Variants in APELA observed in about 807,000 individuals in gnomAD.
APELA encodes the protein apelin receptor early endogenous ligand, also known as protein Elabela.
At chr4:164,882,566 T>C (rs1039655322) in intron 2 of APELA, among the ~76,000 whole-genome samples, 4 of 151,896 alleles carry the variant, frequency 2.6e-5, no homozygotes, top group African/African-American at 9.7e-5. Context: ...TTGGAAAAAG[T>C]GTCTTTTAAT....
chr4:164,890,419 A>G (rs577139008), intron 2 of APELA, among the ~76,000 whole-genome samples: 6 of 152,318 alleles, frequency 3.9e-5, no homozygotes, highest in Admixed American at 2.0e-4. Flanking sequence ...CCAGCTGTTC[A>G]GTCCTGGACA....
chr4:164,883,118 T>G (rs963217375), intron 2 of APELA, among the ~76,000 whole-genome samples: 1 of 152,168 alleles, frequency 6.6e-6, no homozygotes, highest in African/African-American at 2.4e-5. Flanking sequence ...TTCCCAACTC[T>G]TCCTGCAATT....
At chr4:164,891,135 G>A (rs1730874735) in intron 2 of APELA, among the ~76,000 whole-genome samples, 1 of 152,074 alleles carries the variant, frequency 6.6e-6, no homozygotes, top group Admixed American at 6.6e-5. Context: ...TGAATACAGG[G>A]CCCTTATCTG....
intron 2 of APELA, among the ~76,000 whole-genome samples, chr4:164,888,999 C>T (rs1247116955): frequency 6.7e-6 from 1 of 149,840 alleles, no homozygotes; most frequent in Non-Finnish European, 1.5e-5. Context: ...GTGTGTGTAC[C>T]ATATATAACT....
At chr4:164,887,830 T>C (rs1730802611) in intron 2 of APELA, among the ~76,000 whole-genome samples, 1 of 152,218 alleles carries the variant, frequency 6.6e-6, no homozygotes, top group Non-Finnish European at 1.5e-5. Context: ...CAGGCTGGTC[T>C]CGAACTCCTG....
intron 2 of APELA, among the ~76,000 whole-genome samples, chr4:164,881,851 A>G (rs1222221135): frequency 6.8e-6 from 1 of 147,764 alleles, no homozygotes; most frequent in Non-Finnish European, 1.5e-5. Flanking sequence ...CCTGGACAAC[A>G]TGATTTAACC....
At position 164,889,755 on chromosome 4, in the gene APELA, T is replaced by C. The variant is rs373965476; in HGVS notation, c.*2-5661T>C. Among the ~76,000 whole-genome samples the C allele has an allele frequency of 8.1e-4, 124 of 152,298 alleles. 1 individual carries two copies. Among genetic ancestry groups the C allele is most frequent in the African/African-American group, 2.4e-3 (99 of 41,540 alleles). On this transcript the variant is annotated intron_variant, in intron 2 of 2. Coordinates refer to ENST00000507152, the MANE Select transcript of APELA (RefSeq NM_001297550.2). Reference sequence around the variant, plus strand: ...TTTCATTAAATCAGCCAATGGCAGATTGAAAATATTCAGGAAAAAAAACAG... The same window carrying C: ...TTTCATTAAATCAGCCAATGGCAGACTGAAAATATTCAGGAAAAAAAACAG...
intron 2 of APELA, among the ~76,000 whole-genome samples, chr4:164,880,177 G>A (rs908405747): frequency 1.3e-5 from 2 of 152,234 alleles, no homozygotes; most frequent in Non-Finnish European, 2.9e-5. Flanking sequence ...CAGTTGGCCT[G>A]TAGAGTAGCT....
Position 164,884,090 on chromosome 4 carries a change from AAAG to A in APELA, c.*1+5084_*1+5086del, listed in dbSNP as rs778805103. ...GAAGGAGAGAAAGAAAGAAGGAAAA[AAAG>A]AAAGAAAGAATGAAAGAAAGAAAGA... On this transcript the variant is annotated intron_variant, in intron 2 of 2. Transcript: ENST00000507152. 2.0e-4 allele frequency among the ~76,000 whole-genome samples: 17 copies of A among 85,394 alleles called. No individual in the cohort carries two copies. The East Asian group carries it at 3.2e-3, about 16-fold the overall frequency. 56.0% of individuals were successfully genotyped at this position (85,394 alleles called of 152,430 possible).
intron 2 of APELA, 184 bp downstream of exon 2, chr4:164,879,193 TA>T (rs1194425371): frequency 2.6e-6 from 1 of 384,646 alleles, no homozygotes; most frequent in Non-Finnish European, 4.6e-6. Flanking sequence ...ATTGCTTTAA[TA>T]GTTAAGGAAG....
intron 2 of APELA, among the ~76,000 whole-genome samples, chr4:164,893,110 C>A (rs1328508227): frequency 6.6e-6 from 1 of 152,072 alleles, no homozygotes; most frequent in African/African-American, 2.4e-5. Flanking sequence ...TTTGTTTCTG[C>A]TGTAATCATT....
intron 2 of APELA, among the ~76,000 whole-genome samples, chr4:164,880,748 AC>A (rs1477198168): frequency 6.6e-6 from 1 of 152,232 alleles, no homozygotes; most frequent in African/African-American, 2.4e-5. Context: ...CAAATCACAT[AC>A]CATAAAAACC....
intron 2 of APELA, among the ~76,000 whole-genome samples, chr4:164,886,992 A>AT (rs567873636): frequency 0.016 from 2,393 of 151,572 alleles, 33 homozygotes; most frequent in Middle Eastern, 0.024. Context: ...GGCCTGGCTA[A>AT]TTTTTTTGTA....
At chr4:164,885,188 T>G (rs1056224664) in intron 2 of APELA, among the ~76,000 whole-genome samples, 2 of 152,122 alleles carry the variant, frequency 1.3e-5, no homozygotes, top group African/African-American at 2.4e-5. Context: ...TGGAGTGCAG[T>G]GGTGTGATCT....
At chr4:164,883,273 T>C (rs1730695530) in intron 2 of APELA, among the ~76,000 whole-genome samples, 1 of 152,182 alleles carries the variant, frequency 6.6e-6, no homozygotes, top group East Asian at 1.9e-4. Flanking sequence ...AGAACTCTTC[T>C]GCACTTCATA....
chr4:164,884,503 C>A (rs554687659), intron 2 of APELA, among the ~76,000 whole-genome samples: 3 of 152,260 alleles, frequency 2.0e-5, no homozygotes, highest in African/African-American at 4.8e-5. Context: ...ATTTGACAAA[C>A]AACACCTTAC....
Position 164,890,365 on chromosome 4 carries a change from A to G in APELA, c.*2-5051A>G, listed in dbSNP as rs1389596115. ...AATTTTAGAACATTTTCATCATCCCATAAAGAAACCCCATTCTCATTAGCA... is the reference window on the plus strand; with the variant it reads ...AATTTTAGAACATTTTCATCATCCCGTAAAGAAACCCCATTCTCATTAGCA... On this transcript the variant is annotated intron_variant, in intron 2 of 2. Transcript: ENST00000507152. 1.3e-5 allele frequency among the ~76,000 whole-genome samples: 2 copies of G among 152,134 alleles called. 1 individual carries two copies. Among genetic ancestry groups the G allele is most frequent in the Non-Finnish European group, 2.9e-5 (2 of 68,018 alleles).
chr4:164,878,632 GA>G (rs1256205769), intron 1 of APELA, among the ~76,000 whole-genome samples: 1 of 152,102 alleles, frequency 6.6e-6, no homozygotes, highest in African/African-American at 2.4e-5. Flanking sequence ...GAGCATTTAG[GA>G]AAAAATCATT....
chr4:164,882,516 C>G (rs1221555034), intron 2 of APELA, among the ~76,000 whole-genome samples: 3 of 152,022 alleles, frequency 2.0e-5, no homozygotes, highest in African/African-American at 7.2e-5. Context: ...ACCCTATTGC[C>G]CATATTCATG....
Sources: allele counts gnomAD v4.1 joint callset (sites outside exome capture counted in the v4.1 genomes callset), GRCh38; gene constraint gnomAD v4.1.1; transcripts MANE v1.5; gene names NCBI Gene and HGNC (gene_info 2026-07-23, HGNC 2026-07-21).